Variants in UBTF observed in about 807,000 individuals in gnomAD.
UBTF encodes the protein nucleolar transcription factor 1.
UBTF carries 8 observed loss-of-function variants against 112.3 expected under a neutral mutation model. The ratio of observed to expected loss-of-function variants is 0.07; its 90% CI spans 0.04 to 0.13. The LOEUF (loss-of-function observed/expected upper bound fraction) is 0.13. UBTF is among the 10% of genes least tolerant of loss of function. The pLI is 1.00. For missense variants in UBTF, 457 were observed against 982.1 expected (o/e 0.47, Z 7.15); for synonymous variants, 417 against 373.1 (o/e 1.12, Z -1.36).
chr17:44,218,091 C>T, intron 2 of UBTF, 81 bp downstream of exon 2: 1 of 1,401,204 alleles, frequency 7.1e-7, no homozygotes. Context: ...ACTGAAAAAG[C>T]CCTTGAAGAA....
At chr17:44,207,393 T>A (rs1290272374) in intron 20 of UBTF, 26 bp from the exon 21 acceptor site, 2 of 1,611,736 alleles carry the variant, frequency 1.2e-6, no homozygotes, top group Non-Finnish European at 1.7e-6. Context: ...GGATGTGGAG[T>A]CACCAGGTGG....
At chr17:44,208,787 C>T in intron 17 of UBTF, 1 of 245,854 alleles carries the variant, frequency 4.1e-6, no homozygotes, top group Non-Finnish European at 8.3e-6. Context: ...TCCCGTGGTC[C>T]CAGATGGGGG....
intron 15 of UBTF, 26 bp downstream of exon 15, chr17:44,210,098 T>C (rs1248539290): frequency 1.1e-5 from 17 of 1,612,802 alleles, no homozygotes; most frequent in Non-Finnish European, 1.4e-5. Context: ...TTTCAATGAA[T>C]GGGGTGGCCC....
chr17:44,214,693 C>G (rs1222058706), intron 5 of UBTF, among the ~76,000 whole-genome samples: 2 of 152,154 alleles, frequency 1.3e-5, no homozygotes, highest in Non-Finnish European at 2.9e-5. Flanking sequence ...AGTCTGCAGC[C>G]AGGGTATGCC....
intron 7 of UBTF, 43 bp downstream of exon 7, chr17:44,212,776 C>T (rs865926104): frequency 5.0e-6 from 8 of 1,608,596 alleles, no homozygotes; most frequent in Middle Eastern, 3.6e-4. Context: ...CCCCTGGCCA[C>T]CGCCGTGCAT....
intron 7 of UBTF, 141 bp downstream of exon 7, chr17:44,212,678 C>T: frequency 1.4e-6 from 2 of 1,446,480 alleles, no homozygotes; most frequent in Admixed American, 2.0e-5. Context: ...CGCCAGCTGG[C>T]CCGGGCCCTG....
At chr17:44,212,055 T>C in intron 8 of UBTF, 49 bp from the exon 9 acceptor site, 1 of 1,542,066 alleles carries the variant, frequency 6.5e-7, no homozygotes, top group Non-Finnish European at 8.8e-7. Flanking sequence ...TGGAGTTAGC[T>C]AGGGCAGGGG....
In UBTF at chr17:44,216,004, G is replaced by A; in HGVS notation, c.235-15C>T. ...AACTTCCTCACCTGGAGGAAGAGGGGTGGGAGGAAGGGGAAGTTGGGAAAA... is the reference window on the plus strand; with the variant it reads ...AACTTCCTCACCTGGAGGAAGAGGGATGGGAGGAAGGGGAAGTTGGGAAAA... On this transcript the variant is annotated splice_polypyrimidine_tract_variant and intron_variant, in intron 3 of 20. Transcript: ENST00000436088. The A allele has an allele frequency of 1.2e-6, 2 of 1,608,382 alleles. No individual in the cohort carries two copies. Among genetic ancestry groups the A allele is most frequent in the Non-Finnish European group, 1.7e-6 (2 of 1,174,848 alleles).
intron 13 of UBTF, 39 bp from the exon 14 acceptor site, chr17:44,210,512 C>A (rs1303865756): frequency 2.6e-6 from 4 of 1,527,420 alleles, no homozygotes; most frequent in East Asian, 2.4e-5. Flanking sequence ...CCACCCACCC[C>A]CAGGGGGCGC....
rs147228649 is a variant in UBTF, at chr17:44,211,056, C to T, written c.1186G>A (p.Ala396Thr). The change falls in exon 12 of 21, where the codon GCC (alanine) becomes ACC (threonine). Residue 396 changes from alanine to threonine, a missense_variant. Around this residue, in one of 7 missense-constraint regions of UBTF, gnomAD observed 108 missense variants for 137.4 expected, o/e 0.79. Transcript: ENST00000436088. The surrounding 1 kb of genome is among the most constrained non-coding windows in gnomAD (Gnocchi z 4.9). ...QATSPASKKPAQEGGKGGSEK... is the reference protein window; with the variant it reads ...QATSPASKKPTQEGGKGGSEK... ...CTGCCCACCTTGCCCCCTTCCTGGG[C>T]TGGCTTCTTGGAGGCGGGGCTGGTG... 3.5e-4 allele frequency: 564 copies of T among 1,612,158 alleles called. No individual in the cohort carries two copies. The highest frequency in any genetic ancestry group is 4.2e-4 in the Non-Finnish European group (499 of 1,179,764).
chr17:44,211,422 C>T lies in UBTF; in HGVS notation c.1048-91G>A. The T allele has an allele frequency of 6.3e-7, 1 of 1,589,948 alleles. No homozygotes were observed. The highest frequency in any genetic ancestry group is 8.6e-7 in the Non-Finnish European group (1 of 1,161,846). ...GAGGACAGTGACCTTCAGCGGGCCT[C>T]CAGAGCCTGGGTGTGGGCTGGACTC... On this transcript the variant is annotated intron_variant, in intron 10 of 20. Coordinates refer to ENST00000436088, the MANE Select transcript of UBTF (RefSeq NM_014233.4). The surrounding 1 kb of genome is among the most constrained non-coding windows in gnomAD (Gnocchi z 4.9).
chr17:44,214,591 G>T (rs2046752109), intron 5 of UBTF, among the ~76,000 whole-genome samples: 1 of 152,148 alleles, frequency 6.6e-6, no homozygotes, highest in Admixed American at 6.5e-5. Flanking sequence ...CCTCATCAAA[G>T]GGGTCAACAG....
intron 4 of UBTF, 30 bp downstream of exon 4, chr17:44,215,875 AC>A (rs771993350): frequency 6.2e-7 from 1 of 1,613,668 alleles, no homozygotes; most frequent in South Asian, 1.1e-5. Flanking sequence ...TTCCTCCCAT[AC>A]CCCTCATGCT....
At chr17:44,210,559 C>G (rs1054558699) in intron 13 of UBTF, 86 bp from the exon 14 acceptor site, 41 of 1,453,512 alleles carry the variant, frequency 2.8e-5, no homozygotes, top group Non-Finnish European at 3.6e-5. Context: ...CTCCCGCCGG[C>G]GGGCAGAAGC....
At position 44,211,504 on chromosome 17, in the gene UBTF, C is replaced by T; in HGVS notation, c.1047+102G>A. The T allele has an allele frequency of 1.3e-6, 2 of 1,557,788 alleles. No individual in the cohort carries two copies. The highest frequency in any genetic ancestry group is 1.7e-6 in the Non-Finnish European group (2 of 1,149,014). ...GCCCAGCCCCACACTGTATTGGAGGCAGGTACCCAAGGCACACGCCACCAG... is the reference window on the plus strand; with the variant it reads ...GCCCAGCCCCACACTGTATTGGAGGTAGGTACCCAAGGCACACGCCACCAG... On this transcript the variant is annotated intron_variant, in intron 10 of 20. Coordinates refer to ENST00000436088, the MANE Select transcript of UBTF (RefSeq NM_014233.4). This position sits in a 1 kb window ranked among gnomAD's most constrained non-coding sequence, Gnocchi z 4.9.
chr17:44,209,802 C>T (rs373268043), intron 15 of UBTF, 69 bp from the exon 16 acceptor site: 3 of 1,504,882 alleles, frequency 2.0e-6, no homozygotes, highest in African/African-American at 2.8e-5. Context: ...CTGCCTCATG[C>T]CATCAGCACC....
chr17:44,213,549 G>A (rs751451631), intron 5 of UBTF, among the ~76,000 whole-genome samples: 2 of 152,180 alleles, frequency 1.3e-5, no homozygotes, highest in Middle Eastern at 3.2e-3. Context: ...TCCCAGAAGG[G>A]GGCCATGGCA....
intron 5 of UBTF, among the ~76,000 whole-genome samples, chr17:44,215,027 T>G (rs558991403): frequency 1.0e-3 from 157 of 152,346 alleles, no homozygotes; most frequent in African/African-American, 3.7e-3. Flanking sequence ...TTTGATGGTC[T>G]GGGACAGTGC....
chr17:44,205,512 A>C lies in UBTF; in HGVS notation c.*1730T>G, dbSNP rs1239292059. On this transcript the variant is annotated 3_prime_UTR_variant, in exon 21 of 21. Transcript: ENST00000436088. ...TGTACTTAATTCCAGGATTAGGACA[A>C]AGGAAGGGGAATGGGAGTGGGGAGT... 1.3e-5 allele frequency: 2 copies of C among 152,256 alleles called. No homozygotes were observed. Among genetic ancestry groups the C allele is most frequent in the East Asian group, 3.8e-4 (2 of 5,204 alleles). The allele number at this position is 152,256 out of a possible 1,614,324, so 9.4% of individuals were successfully genotyped here. A position where few individuals can be genotyped will look rare whatever the true frequency, so the allele number is the denominator to read the frequency against.
Sources: gnomAD v4.1 joint callset for allele counts (sites outside exome capture counted in the v4.1 genomes callset) on GRCh38, gnomAD v4.1.1 for gene constraint, gnomAD v4.1.1 regional missense constraint, Gnocchi (gnomAD v3.1) non-coding constraint, MANE v1.5 for transcripts, NCBI Gene and HGNC (gene_info 2026-07-23, HGNC 2026-07-21) for gene names.